The following AUTS2 variants were observed in gnomAD, a reference collection of about 807,000 sequenced individuals.
The protein encoded by AUTS2 is autism susceptibility gene 2 protein.
AUTS2 carries 17 observed loss-of-function variants against 112.4 expected under a neutral mutation model. The ratio of observed to expected loss-of-function variants is 0.15; its 90% CI spans 0.10 to 0.23. AUTS2 has a LOEUF of 0.23. Among genes scored for constraint, AUTS2 ranks in the 10% least tolerant of loss-of-function variants. The pLI, the probability that AUTS2 is intolerant of heterozygous loss-of-function variation, is 1.00. For synonymous variants in AUTS2, 751 were observed against 702.7 expected, an observed-to-expected ratio of 1.07 and a Z score of -1.09; for missense variants, 1,510 against 1,701.6, an observed-to-expected ratio of 0.89 and a Z score of 1.98.
intron 1 of AUTS2, among the ~76,000 whole-genome samples, chr7:69,853,087 T>TA (rs544175229): frequency 1.8e-4 from 28 of 151,598 alleles, no homozygotes; most frequent in South Asian, 4.2e-4. Context: ...TGAGGTCATT[T>TA]AAAAAAAAAT....
At chr7:70,231,641 C>T (rs1451399702) in intron 4 of AUTS2, among the ~76,000 whole-genome samples, 2 of 151,892 alleles carry the variant, frequency 1.3e-5, no homozygotes, top group East Asian at 1.9e-4. Flanking sequence ...CACAGCGTTT[C>T]GCCATGTTAG....
At chr7:69,723,102 T>C (rs1194873845) in intron 1 of AUTS2, among the ~76,000 whole-genome samples, 1 of 152,142 alleles carries the variant, frequency 6.6e-6, no homozygotes, top group Non-Finnish European at 1.5e-5. Flanking sequence ...TAGCAGTCCC[T>C]GATCCAAAGG....
At chr7:70,119,053 G>C (rs1390341075) in intron 3 of AUTS2, 1 of 148,204 alleles carries the variant, frequency 6.7e-6, no homozygotes, top group African/African-American at 2.5e-5. Context: ...GCAGTGGCAC[G>C]ATCTCGGCTC....
intron 3 of AUTS2, among the ~76,000 whole-genome samples, chr7:70,132,325 T>C (rs1806321014): frequency 1.3e-5 from 2 of 152,032 alleles, no homozygotes; most frequent in African/African-American, 4.8e-5. Context: ...TGTGTCTGTG[T>C]TTGTGTGTGC....
chr7:70,758,033 C>T (rs1380723999), intron 6 of AUTS2, among the ~76,000 whole-genome samples: 1 of 152,002 alleles, frequency 6.6e-6, no homozygotes, highest in East Asian at 1.9e-4. Context: ...CCACCTGCCT[C>T]GGCCTCCCAA....
chr7:70,388,178 T>C (rs1793698312), intron 4 of AUTS2, among the ~76,000 whole-genome samples: 1 of 152,226 alleles, frequency 6.6e-6, no homozygotes, highest in African/African-American at 2.4e-5. Flanking sequence ...ATTCTTTCTC[T>C]TCCATGAAAT....
chr7:70,544,294 AG>A (rs1375103708), intron 5 of AUTS2, among the ~76,000 whole-genome samples: 1 of 152,200 alleles, frequency 6.6e-6, no homozygotes, highest in African/African-American at 2.4e-5. Flanking sequence ...TTTCTGCTTT[AG>A]GATTTGGTGC....
intron 5 of AUTS2, among the ~76,000 whole-genome samples, chr7:70,480,290 T>G (rs988443569): frequency 1.3e-5 from 2 of 152,222 alleles, no homozygotes; most frequent in Non-Finnish European, 2.9e-5. Flanking sequence ...TGTACTTTAT[T>G]CTAACACATG....
At chr7:69,752,231 C>T (rs1787768392) in intron 1 of AUTS2, among the ~76,000 whole-genome samples, 1 of 152,244 alleles carries the variant, frequency 6.6e-6, no homozygotes, top group African/African-American at 2.4e-5. Flanking sequence ...GGCCCTTGCT[C>T]TCTGCAGAGG....
Position 70,630,977 on chromosome 7 carries a change from A to AT in AUTS2, c.691-67582dup, listed in dbSNP as rs904321873. Among the ~76,000 whole-genome samples the AT allele has an allele frequency of 1.3e-3, 192 of 150,688 alleles. 2 individuals carry two copies. The Middle Eastern group carries it at 0.024, about 19-fold the overall frequency. On this transcript the variant is annotated intron_variant, in intron 5 of 18. Transcript: ENST00000342771. ...TTCCTGAGACTTTAAAGGAAAATGG[A>AT]TTTTTTTTTTGAGCGTACTTTAATG...
intron 1 of AUTS2, among the ~76,000 whole-genome samples, chr7:69,657,861 T>G (rs1443400690): frequency 6.6e-6 from 1 of 152,194 alleles, no homozygotes; most frequent in African/African-American, 2.4e-5. Flanking sequence ...TACCTTCCCT[T>G]TTGTCTTAAA....
At chr7:69,935,227 C>T (rs1051769367) in intron 2 of AUTS2, among the ~76,000 whole-genome samples, 1 of 152,100 alleles carries the variant, frequency 6.6e-6, no homozygotes, top group African/African-American at 2.4e-5. Context: ...AGAGTTGTCT[C>T]ATACGAGCTA....
chr7:70,052,124 A>G (rs1424347748), intron 2 of AUTS2, among the ~76,000 whole-genome samples: 1 of 152,244 alleles, frequency 6.6e-6, no homozygotes, highest in Non-Finnish European at 1.5e-5. Context: ...GCAGCAAGAC[A>G]TAGAGTGATC....
chr7:69,608,550 A>G (rs1792858384), intron 1 of AUTS2, among the ~76,000 whole-genome samples: 1 of 152,152 alleles, frequency 6.6e-6, no homozygotes, highest in African/African-American at 2.4e-5. Flanking sequence ...TCGTTGGCTA[A>G]AGGTTGCTGG....
intron 5 of AUTS2, among the ~76,000 whole-genome samples, chr7:70,638,223 C>T (rs1805625720): frequency 6.6e-6 from 1 of 152,132 alleles, no homozygotes; most frequent in Admixed American, 6.5e-5. Flanking sequence ...TAATAATCCC[C>T]CCGAATCCTG....
chr7:70,165,159 CA>C (rs1219674914), intron 4 of AUTS2, among the ~76,000 whole-genome samples: 1 of 152,018 alleles, frequency 6.6e-6, no homozygotes, highest in African/African-American at 2.4e-5. Context: ...TAAAGCCTTT[CA>C]ACTGAAATAG....
chr7:69,634,991 G>A (rs1176107212), intron 1 of AUTS2, among the ~76,000 whole-genome samples: 4 of 129,124 alleles, frequency 3.1e-5, no homozygotes, highest in African/African-American at 6.2e-5. Context: ...GTCTAGATCC[G>A]CTCCTTGTAA....
chr7:70,142,211 T>C (rs1308871548), intron 4 of AUTS2, among the ~76,000 whole-genome samples: 1 of 152,224 alleles, frequency 6.6e-6, no homozygotes, highest in Non-Finnish European at 1.5e-5. Context: ...TCAGCCGTTA[T>C]CTCTCTGTCC....
At chr7:70,545,411 G>T (rs928121283) in intron 5 of AUTS2, among the ~76,000 whole-genome samples, 6 of 152,150 alleles carry the variant, frequency 3.9e-5, no homozygotes, top group African/African-American at 4.8e-5. Context: ...AGGAAATAAC[G>T]GCCTGAGGCA....
Sources: gnomAD v4.1 joint callset for allele counts (sites outside exome capture counted in the v4.1 genomes callset) on GRCh38, gnomAD v4.1.1 for gene constraint, MANE v1.5 for transcripts, NCBI Gene and HGNC (gene_info 2026-07-23, HGNC 2026-07-21) for gene names.